Variants in TJP1 observed in about 807,000 individuals in gnomAD.
TJP1 encodes tight junction protein 1.
TJP1 carries 43 observed loss-of-function variants against 194.2 expected under a neutral mutation model. The ratio of observed to expected loss-of-function variants is 0.22; its 90% CI spans 0.17 to 0.29. The LOEUF (loss-of-function observed/expected upper bound fraction) is 0.29, where lower values mean the gene tolerates loss of function less well. Ranked by LOEUF, TJP1 falls within the 10% of genes least tolerant of loss-of-function variation. TJP1 has a pLI of 1.00. For synonymous variants in TJP1, 801 were observed against 779.0 expected, an observed-to-expected ratio of 1.03 and a Z score of -0.47; for missense variants, 1,971 against 2,185.7, an observed-to-expected ratio of 0.90 and a Z score of 1.96.
intron 2 of TJP1, among the ~76,000 whole-genome samples, chr15:29,897,694 A>T (rs2053519969): frequency 6.6e-6 from 1 of 152,216 alleles, no homozygotes; most frequent in African/African-American, 2.4e-5. Context: ...AGACCATGGG[A>T]ATCCACCTCT....
At chr15:29,850,532 T>A (rs1207309547) in intron 2 of TJP1, among the ~76,000 whole-genome samples, 1 of 151,978 alleles carries the variant, frequency 6.6e-6, no homozygotes, top group Non-Finnish European at 1.5e-5. Flanking sequence ...AGACAGGGTT[T>A]CATCATGTTG....
At position 29,726,916 on chromosome 15, in the gene TJP1, C is replaced by T. The variant is rs1425964026; in HGVS notation, c.2176G>A (p.Val726Ile). 4.3e-6 allele frequency: 7 copies of T among 1,614,034 alleles called. No homozygotes were observed. The highest frequency in any genetic ancestry group is 2.2e-5 in the East Asian group (1 of 44,880). Reference protein sequence around the residue: ...LNYAQWYPIVVFLNPDSKQGV... With the variant: ...LNYAQWYPIVIFLNPDSKQGV... ...TGCTTAGAATCAGGGTTAAGAAATA[C>T]AACAATTGGATACCACTGGGCATAG... The change falls in exon 17 of 28, where the codon GTA (valine) becomes ATA (isoleucine). Residue 726 changes from valine (V) to isoleucine (I), a missense_variant. By Grantham distance (29) the Val-to-Ile change is conservative. Coordinates refer to ENST00000614355, the MANE Select transcript of TJP1 (RefSeq NM_001330239.4).
At chr15:29,838,817 CCT>C (rs2152062100) in intron 2 of TJP1, among the ~76,000 whole-genome samples, 1 of 152,166 alleles carries the variant, frequency 6.6e-6, no homozygotes, top group South Asian at 2.1e-4. Flanking sequence ...ACCTGTTCTC[CCT>C]CTCTATAATT....
At chr15:29,944,707 A>AT (rs1219653396) in intron 2 of TJP1, among the ~76,000 whole-genome samples, 13 of 152,108 alleles carry the variant, frequency 8.5e-5, no homozygotes, top group Admixed American at 4.6e-4. Context: ...AATCAATCGG[A>AT]TTTTACCTAC....
At chr15:29,704,489 C>T (rs1162889275) in intron 26 of TJP1, among the ~76,000 whole-genome samples, 184 bp from the exon 27 acceptor site, 2 of 152,126 alleles carry the variant, frequency 1.3e-5, no homozygotes, top group East Asian at 1.9e-4. Context: ...TCCCAGTAGC[C>T]ACGTTAGAAA....
chr15:29,774,166 A>T (rs2046866797), intron 2 of TJP1, among the ~76,000 whole-genome samples: 1 of 152,208 alleles, frequency 6.6e-6, no homozygotes, highest in Admixed American at 6.5e-5. Flanking sequence ...ATGTTTTTGT[A>T]TAAAACTGTA....
intron 2 of TJP1, among the ~76,000 whole-genome samples, chr15:29,885,658 C>T (rs1310832697): frequency 6.6e-6 from 1 of 152,178 alleles, no homozygotes. Context: ...GGAAAGAAAA[C>T]AGAGAACTGA....
chr15:29,781,824 A>C (rs2047384352), intron 2 of TJP1, among the ~76,000 whole-genome samples: 1 of 152,220 alleles, frequency 6.6e-6, no homozygotes, highest in African/African-American at 2.4e-5. Flanking sequence ...CACACCTCAA[A>C]ATAGTAAGAG....
chr15:29,924,199 C>T (rs1416469433), intron 2 of TJP1, among the ~76,000 whole-genome samples: 1 of 152,130 alleles, frequency 6.6e-6, no homozygotes, highest in Non-Finnish European at 1.5e-5. Flanking sequence ...CTCAGTCTCC[C>T]AAGTAGCTGA....
At chr15:29,745,279 C>T (rs1249658906) in intron 8 of TJP1, among the ~76,000 whole-genome samples, 5 of 132,660 alleles carry the variant, frequency 3.8e-5, no homozygotes, top group African/African-American at 1.1e-4. Context: ...AGTATAATCA[C>T]GAGCTAATGG....
At chr15:29,968,831 G>T in exon 1 of TJP1, 1 of 1,007,866 alleles carries the variant, frequency 9.9e-7, no homozygotes, top group Non-Finnish European at 1.3e-6. Flanking sequence ...GCCCCTCCAG[G>T]CGCCGCATAG....
chr15:29,813,456 G>C (rs78026071), intron 1 of TJP1, among the ~76,000 whole-genome samples: 1 of 152,008 alleles, frequency 6.6e-6, no homozygotes, highest in African/African-American at 2.4e-5. Flanking sequence ...TCATACAATG[G>C]AATACCATGA....
chr15:29,830,534 ATAT>A (rs1167964109), intron 2 of TJP1, among the ~76,000 whole-genome samples: 25 of 150,798 alleles, frequency 1.7e-4, no homozygotes, highest in African/African-American at 5.1e-4. Flanking sequence ...AATAATGCTA[ATAT>A]TACATATTAT....
chr15:29,929,911 C>T (rs778399005), intron 2 of TJP1, among the ~76,000 whole-genome samples: 2 of 151,974 alleles, frequency 1.3e-5, no homozygotes, highest in Non-Finnish European at 2.9e-5. Context: ...ATGATTACAA[C>T]TACAGATACA....
At chr15:29,712,160 A>G (rs1168936240) in intron 23 of TJP1, among the ~76,000 whole-genome samples, 1 of 152,230 alleles carries the variant, frequency 6.6e-6, no homozygotes, top group Non-Finnish European at 1.5e-5. Context: ...TGCACCAACA[A>G]TAACATATAC....
intron 20 of TJP1, among the ~76,000 whole-genome samples, chr15:29,719,458 G>A (rs1000944351): frequency 6.6e-6 from 1 of 151,908 alleles, no homozygotes; most frequent in African/African-American, 2.4e-5. Flanking sequence ...AAGATTTATG[G>A]GCATCATAAT....
chr15:29,702,092 CTTTTT>C (rs200847680), intron 27 of TJP1, among the ~76,000 whole-genome samples: 1 of 145,966 alleles, frequency 6.9e-6, no homozygotes, highest in Admixed American at 6.8e-5. Flanking sequence ...ATCAGTAGCA[CTTTTT>C]TTTTTTTTCC....
chr15:29,858,477 T>C (rs751236559), intron 2 of TJP1, among the ~76,000 whole-genome samples: 1 of 152,224 alleles, frequency 6.6e-6, no homozygotes, highest in Non-Finnish European at 1.5e-5. Context: ...GTCCCTAGTA[T>C]GTGCCAGGCA....
At chr15:29,949,683 TCACCACCACCTC>T (rs2055551582) in intron 2 of TJP1, among the ~76,000 whole-genome samples, 18 of 15,604 alleles carry the variant, frequency 1.2e-3, no homozygotes, top group Admixed American at 1.6e-3. Flanking sequence ...ACCTCCACCT[TCACCACCACCTC>T]CACCACCACC....
Sources: gnomAD v4.1 joint callset for allele counts (sites outside exome capture counted in the v4.1 genomes callset) on GRCh38, gnomAD v4.1.1 for gene constraint, MANE v1.5 for transcripts, NCBI Gene and HGNC (gene_info 2026-07-23, HGNC 2026-07-21) for gene names.